PRKD1: variants seen among roughly 807,000 people sequenced by gnomAD.
The protein encoded by PRKD1 is serine/threonine-protein kinase D1.
PRKD1 carries 63 observed loss-of-function variants against 95.9 expected under a neutral mutation model. The ratio of observed to expected loss-of-function variants is 0.66; its 90% CI spans 0.54 to 0.81. The LOEUF is 0.81. PRKD1 is among the 30% of genes least tolerant of loss of function. The pLI is 0.00. For missense variants in PRKD1, 1,048 were observed against 1,165.3 expected (o/e 0.90, Z 1.47); for synonymous variants, 425 against 423.1 (o/e 1.00, Z -0.05).
At chr14:29,649,524 G>T (rs371058465) in intron 4 of PRKD1, among the ~76,000 whole-genome samples, 29 of 151,570 alleles carry the variant, frequency 1.9e-4, no homozygotes, top group African/African-American at 7.0e-4. Context: ...CTCGAGCTGC[G>T]AGAGTTTGTA....
chr14:29,598,801 C>G (rs914899327), intron 15 of PRKD1, among the ~76,000 whole-genome samples: 1 of 152,118 alleles, frequency 6.6e-6, no homozygotes, highest in Admixed American at 6.6e-5. Context: ...TCCGGAAAAG[C>G]CAAAAGGCAG....
rs143310373 is a variant in PRKD1, at chr14:29,807,930, C to T, written c.265-82256G>A. 5.0e-3 allele frequency among the ~76,000 whole-genome samples: 761 copies of T among 152,132 alleles called. 2 individuals are homozygous for T. The highest frequency in any genetic ancestry group is 0.017 in the African/African-American group (722 of 41,518). On this transcript the variant is annotated intron_variant, in intron 1 of 17. Coordinates refer to ENST00000331968, the MANE Select transcript of PRKD1 (RefSeq NM_002742.3). ...ATAGACGGGATTTCACCATGTTAAC[C>T]AGGCTGGTCTCGAACTCCTAGCCTC...
At chr14:29,884,396 CAAT>C (rs1489763347) in intron 1 of PRKD1, among the ~76,000 whole-genome samples, 6 of 152,028 alleles carry the variant, frequency 3.9e-5, no homozygotes, top group Admixed American at 2.0e-4. Context: ...TTAGCAATAA[CAAT>C]AATCACTCAC....
intron 1 of PRKD1, among the ~76,000 whole-genome samples, chr14:29,924,212 A>G (rs1234987619): frequency 6.6e-6 from 1 of 152,156 alleles, no homozygotes; most frequent in Non-Finnish European, 1.5e-5. Flanking sequence ...GCAAGACTAG[A>G]TTTTTCACCT....
Position 29,744,639 on chromosome 14 carries a change from C to T in PRKD1, c.265-18965G>A, listed in dbSNP as rs1298699620. On this transcript the variant is annotated intron_variant, in intron 1 of 17. Transcript: ENST00000331968. The stretch of plus-strand genomic sequence containing the variant: ...TCAGCTCACTGTAGCCTCTACCTCC[C>T]GGGTTCAAGTGATTATCCTGCTTCA... 4.6e-5 allele frequency among the ~76,000 whole-genome samples: 7 copies of T among 152,068 alleles called. No individual in the cohort carries two copies. The East Asian group carries it at 7.7e-4, about 17-fold the overall frequency.
chr14:29,647,876 A>G (rs1051039903), intron 4 of PRKD1, among the ~76,000 whole-genome samples: 2 of 152,198 alleles, frequency 1.3e-5, no homozygotes, highest in African/African-American at 4.8e-5. Flanking sequence ...GATGCCTTTT[A>G]AGCAGTTTAT....
At chr14:29,907,005 A>C (rs1019160395) in intron 1 of PRKD1, among the ~76,000 whole-genome samples, 4 of 152,366 alleles carry the variant, frequency 2.6e-5, no homozygotes, top group South Asian at 2.1e-4. Context: ...TTGACAAGTA[A>C]AATCTTGAAA....
intron 1 of PRKD1, among the ~76,000 whole-genome samples, chr14:29,861,001 G>A (rs138559751): frequency 2.8e-4 from 43 of 152,034 alleles, no homozygotes; most frequent in African/African-American, 8.9e-4. Context: ...TCCAATTTTC[G>A]AACCTAGATG....
chr14:29,624,311 A>G, intron 12 of PRKD1, 53 bp from the exon 13 acceptor site: 1 of 1,271,348 alleles, frequency 7.9e-7, no homozygotes, highest in South Asian at 1.5e-5. Context: ...CATCTATCTT[A>G]AAGAACACTA....
At chr14:29,689,198 A>T (rs61053553) in intron 2 of PRKD1, among the ~76,000 whole-genome samples, 78,754 of 151,366 alleles carry the variant, frequency 0.52, 23,079 homozygotes, top group African/African-American at 0.8. Context: ...TGGGAGAAAA[A>T]TTTTGCAATC....
intron 2 of PRKD1, among the ~76,000 whole-genome samples, chr14:29,721,110 T>C (rs2068012): frequency 0.28 from 42,111 of 152,052 alleles, 6,095 homozygotes; most frequent in African/African-American, 0.34. Context: ...GACCTCTCTG[T>C]CTCATTTTCA....
chr14:29,886,082 C>T (rs1427734291), intron 1 of PRKD1, among the ~76,000 whole-genome samples: 2 of 152,196 alleles, frequency 1.3e-5, no homozygotes, highest in African/African-American at 4.8e-5. Context: ...AGCCCCTTCA[C>T]GTAGCAGTGA....
chr14:29,676,988 A>T (rs1280756111), intron 2 of PRKD1, among the ~76,000 whole-genome samples: 1 of 152,238 alleles, frequency 6.6e-6, no homozygotes, highest in Non-Finnish European at 1.5e-5. Flanking sequence ...CAATAGCTAC[A>T]TGTGACTAGT....
At chr14:29,788,719 T>C (rs1008548075) in intron 1 of PRKD1, among the ~76,000 whole-genome samples, 5 of 152,176 alleles carry the variant, frequency 3.3e-5, no homozygotes, top group African/African-American at 1.2e-4. Context: ...TATATTTTTA[T>C]TCTCCTCTTT....
chr14:29,827,236 T>C (rs1181156905), intron 1 of PRKD1, among the ~76,000 whole-genome samples: 1 of 151,994 alleles, frequency 6.6e-6, no homozygotes, highest in Non-Finnish European at 1.5e-5. Flanking sequence ...ATAATTTTTT[T>C]TAAAAAAGAC....
intron 1 of PRKD1, among the ~76,000 whole-genome samples, chr14:29,836,144 C>T (rs1891603443): frequency 6.6e-6 from 1 of 152,012 alleles, no homozygotes; most frequent in South Asian, 2.1e-4. Flanking sequence ...GCATTTCAAA[C>T]AAAAAGAGGT....
intron 2 of PRKD1, among the ~76,000 whole-genome samples, chr14:29,667,127 C>A (rs1001025720): frequency 6.6e-6 from 1 of 152,088 alleles, no homozygotes; most frequent in Non-Finnish European, 1.5e-5. Flanking sequence ...CCTATGTGCA[C>A]ACAGTAAGCC....
At chr14:29,711,836 T>C (rs1001864488) in intron 2 of PRKD1, among the ~76,000 whole-genome samples, 10 of 152,260 alleles carry the variant, frequency 6.6e-5, no homozygotes, top group African/African-American at 2.4e-4. Context: ...ATTACTTTTA[T>C]TACTTTTCAT....
chr14:29,889,454 G>A (rs1054682444), intron 1 of PRKD1, among the ~76,000 whole-genome samples: 1 of 152,166 alleles, frequency 6.6e-6, no homozygotes, highest in African/African-American at 2.4e-5. Flanking sequence ...AAGGGGCTGG[G>A]GGATTTCCCT....
Sources: gnomAD v4.1 joint callset for allele counts (sites outside exome capture counted in the v4.1 genomes callset) on GRCh38, gnomAD v4.1.1 for gene constraint, MANE v1.5 for transcripts, NCBI Gene and HGNC (gene_info 2026-07-23, HGNC 2026-07-21) for gene names.